NCMAP: variants seen among roughly 807,000 people sequenced by gnomAD.
The protein encoded by NCMAP is non-compact myelin associated protein.
NCMAP carries 8 observed loss-of-function variants against 7.8 expected under a neutral mutation model. The observed-to-expected ratio is 1.02, with a 90% CI of 0.60 to 1.84. The LOEUF (loss-of-function observed/expected upper bound fraction) is 1.84, where lower values mean the gene tolerates loss of function less well. NCMAP is among the 40% of genes most tolerant of loss of function. The pLI is 0.00. For missense variants in NCMAP, 112 were observed against 131.4 expected (o/e 0.85, Z 0.72); for synonymous variants, 41 against 52.9 (o/e 0.78, Z 0.98).
intron 1 of NCMAP, among the ~76,000 whole-genome samples, chr1:24,580,111 C>T (rs1651700658): frequency 6.6e-6 from 1 of 152,174 alleles, no homozygotes; most frequent in Non-Finnish European, 1.5e-5. Context: ...ACTGTGAGGG[C>T]CACAGCCTGC....
intron 1 of NCMAP, among the ~76,000 whole-genome samples, chr1:24,586,094 C>T (rs1355954871): frequency 6.6e-6 from 1 of 152,208 alleles, no homozygotes; most frequent in South Asian, 2.1e-4. Flanking sequence ...TTTATTCTCA[C>T]AACCCCACGA....
intron 1 of NCMAP, chr1:24,589,322 A>C (rs186781290): frequency 6.6e-5 from 10 of 152,132 alleles, no homozygotes; most frequent in African/African-American, 2.4e-4. Context: ...GCTGGCCCTC[A>C]CTTGGTTAAC....
intron 1 of NCMAP, among the ~76,000 whole-genome samples, chr1:24,580,319 C>A (rs189035771): frequency 1.1e-4 from 16 of 152,322 alleles, no homozygotes; most frequent in African/African-American, 3.8e-4. Context: ...TGCAGGGTTA[C>A]CTCCTCCTGG....
chr1:24,584,015 A>G (rs1202750633), intron 1 of NCMAP, among the ~76,000 whole-genome samples: 1 of 152,198 alleles, frequency 6.6e-6, no homozygotes, highest in Admixed American at 6.5e-5. Context: ...AGTGCCTGGC[A>G]CTTGCATAGG....
chr1:24,571,340 T>C (rs925210917), intron 1 of NCMAP, among the ~76,000 whole-genome samples: 2 of 149,274 alleles, frequency 1.3e-5, no homozygotes, highest in Non-Finnish European at 2.9e-5. Context: ...CCAGGCGTGG[T>C]AGTGGACAGC....
chr1:24,565,526 C>T (rs1353508451), intron 1 of NCMAP, among the ~76,000 whole-genome samples: 1 of 151,416 alleles, frequency 6.6e-6, no homozygotes, highest in Non-Finnish European at 1.5e-5. Context: ...TTGTTACCTT[C>T]TATTAATGGC....
At chr1:24,600,217 C>T (rs1264216069) in intron 2 of NCMAP, among the ~76,000 whole-genome samples, 2 of 152,102 alleles carry the variant, frequency 1.3e-5, no homozygotes, top group Non-Finnish European at 2.9e-5. Context: ...GTGGCACAAT[C>T]TTGGCTCACT....
intron 1 of NCMAP, among the ~76,000 whole-genome samples, chr1:24,579,483 C>T (rs571640060): frequency 6.6e-6 from 1 of 152,156 alleles, no homozygotes; most frequent in African/African-American, 2.4e-5. Flanking sequence ...GTCTGTGATC[C>T]TAGCAATTTG....
intron 2 of NCMAP, among the ~76,000 whole-genome samples, 190 bp downstream of exon 2, chr1:24,595,702 A>G (rs1652200764): frequency 6.6e-6 from 1 of 151,598 alleles, no homozygotes; most frequent in African/African-American, 2.4e-5. Context: ...GTTTCTTTGC[A>G]GGGCACTGCT....
In NCMAP at chr1:24,609,057, C is replaced by G. The variant is rs1486818276; in HGVS notation, c.*3310C>G. 6.6e-6 allele frequency: 1 copy of G among 152,190 alleles called. No homozygotes were observed. Among genetic ancestry groups the G allele is most frequent in the African/African-American group, 2.4e-5 (1 of 41,442 alleles). 9.4% of individuals were successfully genotyped at this position (152,190 alleles called of 1,614,324 possible). ...GAGTCAAATAAAAGGATTTGAGTGT[C>G]TCGTTTTTGACTAATGAAGATGATT... is the stretch of plus-strand genomic sequence containing the variant. On this transcript the variant is annotated 3_prime_UTR_variant, in exon 4 of 4. Coordinates refer to ENST00000374392, the MANE Select transcript of NCMAP (RefSeq NM_001010980.5).
At chr1:24,573,680 A>G (rs1439121497) in intron 1 of NCMAP, among the ~76,000 whole-genome samples, 1 of 150,562 alleles carries the variant, frequency 6.6e-6, no homozygotes, top group Non-Finnish European at 1.5e-5. Flanking sequence ...GCTCACACCT[A>G]TAATCCCAGA....
chr1:24,602,992 A>T (rs1272890593), intron 3 of NCMAP, among the ~76,000 whole-genome samples: 2 of 152,120 alleles, frequency 1.3e-5, no homozygotes, highest in Non-Finnish European at 2.9e-5. Flanking sequence ...GTGAGCTGAG[A>T]TCGCACCACT....
chr1:24,606,948 T>G lies in NCMAP; in HGVS notation c.*1201T>G, dbSNP rs78035439. 5,157 of 152,326 alleles carry G rather than the reference T, an allele frequency of 0.034. 134 individuals carry two copies. The highest frequency in any genetic ancestry group is 0.11 in the Middle Eastern group (33 of 294). 9.4% of individuals were successfully genotyped at this position (152,326 alleles called of 1,614,324 possible). ...AGTATAGCGCCTGGCACCCAGGAGA[T>G]GCTTAATAAATGGGAACCAGGATTC... On this transcript the variant is annotated 3_prime_UTR_variant, in exon 4 of 4. Coordinates refer to ENST00000374392, the MANE Select transcript of NCMAP (RefSeq NM_001010980.5).
At chr1:24,557,726 C>G (rs559139733) in intron 1 of NCMAP, among the ~76,000 whole-genome samples, 107 of 152,294 alleles carry the variant, frequency 7.0e-4, no homozygotes, top group African/African-American at 2.5e-3. Context: ...CCCATGACCC[C>G]TTCATGGCCT....
At chr1:24,580,256 A>G (rs1410773625) in intron 1 of NCMAP, among the ~76,000 whole-genome samples, 1 of 152,198 alleles carries the variant, frequency 6.6e-6, no homozygotes, top group Non-Finnish European at 1.5e-5. Context: ...ATTTAAGTGT[A>G]ATTAATTTTT....
chr1:24,557,465 G>A (rs537368898), intron 1 of NCMAP, among the ~76,000 whole-genome samples: 12 of 151,990 alleles, frequency 7.9e-5, no homozygotes, highest in East Asian at 1.9e-4. Flanking sequence ...GTGTGTGTGC[G>A]TGTGTGTGTT....
chr1:24,605,569 G>A, intron 3 of NCMAP, 37 bp from the exon 4 acceptor site: 1 of 1,606,080 alleles, frequency 6.2e-7, no homozygotes, highest in Non-Finnish European at 8.5e-7. Flanking sequence ...GCATACCAGG[G>A]GAAAGACTCA....
At chr1:24,600,113 GAT>G (rs1652426120) in intron 2 of NCMAP, among the ~76,000 whole-genome samples, 1 of 151,766 alleles carries the variant, frequency 6.6e-6, no homozygotes, top group African/African-American at 2.4e-5. Context: ...TGGGATTACA[GAT>G]GTGAGCCACT....
rs1021530741 is a variant in NCMAP, at chr1:24,580,537, G to A, written c.-7-14887G>A. Among the ~76,000 whole-genome samples, 58 of 152,210 alleles carry A rather than the reference G, an allele frequency of 3.8e-4. 1 individual carries two copies. Among genetic ancestry groups the A allele is most frequent in the East Asian group, 1.9e-4 (1 of 5,178 alleles). The stretch of plus-strand genomic sequence containing the variant: ...GCGATCTCAGCTCACTGCAACCTCC[G>A]CCTCACAGGTTCAAGCGATTCTCCT... On this transcript the variant is annotated intron_variant, in intron 1 of 3. Transcript: ENST00000374392.
Sources: gnomAD v4.1 joint callset for allele counts (sites outside exome capture counted in the v4.1 genomes callset) on GRCh38, gnomAD v4.1.1 for gene constraint, MANE v1.5 for transcripts, NCBI Gene and HGNC (gene_info 2026-07-23, HGNC 2026-07-21) for gene names.